TRMT2B: variants seen among roughly 807,000 people sequenced by gnomAD.
The protein encoded by TRMT2B is tRNA (uracil-5-)-methyltransferase homolog B.
Under a neutral mutation model 39.7 loss-of-function variants are expected in TRMT2B, and 34 were observed. That is an observed-to-expected ratio of 0.86 (90% CI 0.65 to 1.14). The LOEUF (loss-of-function observed/expected upper bound fraction) is 1.14. Among genes scored for constraint, TRMT2B ranks in the 50% most tolerant of loss-of-function variants. The probability of loss-of-function intolerance (pLI) is 0.00; values close to 1 mark genes in which losing one functional copy is unlikely to be tolerated. For missense variants in TRMT2B, 318 were observed against 377.2 expected (o/e 0.84, Z 1.30); for synonymous variants, 132 against 137.3 (o/e 0.96, Z 0.27).
At chrX:101,049,356 G>T (rs764747714) in intron 2 of TRMT2B, among the ~76,000 whole-genome samples, 1 of 109,069 alleles carries the variant, frequency 9.2e-6, no homozygotes, top group Non-Finnish European at 1.9e-5. Context: ...TTAGCCAGGT[G>T]TGGTGGCACA....
At chrX:100,979,398 A>G in the TRMT2B span, among the ~76,000 whole-genome samples, 2 of 112,161 alleles carry the variant, frequency 1.8e-5, no homozygotes, top group African/African-American at 6.5e-5. Context: ...TTTGCTGGAT[A>G]CAATATTCTA....
intron 8 of TRMT2B, among the ~76,000 whole-genome samples, chrX:101,022,537 C>A (rs1273383288): frequency 9.2e-6 from 1 of 109,128 alleles, no homozygotes; most frequent in Non-Finnish European, 1.9e-5. Flanking sequence ...AGGAGAATTG[C>A]TTGAACCCGG....
At chrX:101,004,730 A>C (rs1167406727), downstream of TRMT2B, among the ~76,000 whole-genome samples, 1 of 110,539 alleles carries the variant, frequency 9.0e-6, no homozygotes, top group East Asian at 2.8e-4. Flanking sequence ...CAAACTCCCG[A>C]TCTCAGGTGA....
chrX:101,021,424 T>G, intron 9 of TRMT2B, 109 bp from the exon 10 acceptor site: 1 of 630,363 alleles, frequency 1.6e-6, no homozygotes, highest in Non-Finnish European at 2.5e-6. Flanking sequence ...AGGTCAGGAG[T>G]TCGAGACCAG....
At chrX:101,038,997 T>C (rs1272246841) in intron 4 of TRMT2B, among the ~76,000 whole-genome samples, 1 of 111,633 alleles carries the variant, frequency 9.0e-6, no homozygotes, top group Non-Finnish European at 1.9e-5. Context: ...GCGATCCACC[T>C]GCCTCAGCCT....
the TRMT2B span, among the ~76,000 whole-genome samples, chrX:101,002,844 G>A: frequency 9.0e-6 from 1 of 110,573 alleles, no homozygotes; most frequent in Admixed American, 9.8e-5. Context: ...GGAAATCATG[G>A]CTTTTCAATC....
intron 7 of TRMT2B, among the ~76,000 whole-genome samples, chrX:101,033,088 T>A (rs2087598566): frequency 9.5e-6 from 1 of 105,805 alleles, no homozygotes; most frequent in African/African-American, 3.5e-5. Context: ...AAACCCCATC[T>A]CTACTAAAAT....
Position 101,042,173 on chromosome X carries a change from C to T in TRMT2B, c.117G>A (p.Trp39Ter), listed in dbSNP as rs1192125894. The T allele has an allele frequency of 8.2e-7, 1 of 1,212,141 alleles. No individual in the cohort carries two copies. The highest frequency in any genetic ancestry group is 2.2e-5 in the Admixed American group (1 of 46,034). The change falls in exon 3 of 14, where the codon TGG (tryptophan) becomes TGA (stop). Residue 39 changes from tryptophan (W) to a stop codon, truncating the protein, a stop_gained. Coordinates refer to ENST00000372936, the MANE Select transcript of TRMT2B (RefSeq NM_024917.6). LOFTEE classifies it high-confidence loss of function. The part of the protein sequence containing the change: ...LPWYARNPPG[W>*]SQLFLGTVCK... Reference sequence around the variant, plus strand: ...ATACTGTGCCCAGAAAGAGCTGTGACCATCCTGGTGGATTTCTGGCATACC... The same window carrying T: ...ATACTGTGCCCAGAAAGAGCTGTGATCATCCTGGTGGATTTCTGGCATACC...
the TRMT2B span, among the ~76,000 whole-genome samples, chrX:100,995,957 T>A: frequency 9.0e-6 from 1 of 110,985 alleles, no homozygotes; most frequent in African/African-American, 3.3e-5. Context: ...CAACACATTC[T>A]TAATATACAT....
the TRMT2B span, chrX:100,988,478 A>G: frequency 8.4e-7 from 1 of 1,188,333 alleles, no homozygotes; most frequent in Non-Finnish European, 1.1e-6. Context: ...ATGAGAGCTC[A>G]GAATACTACG....
At chrX:101,038,241 G>A (rs1461723037) in intron 4 of TRMT2B, among the ~76,000 whole-genome samples, 190 bp from the exon 5 acceptor site, 5 of 107,499 alleles carry the variant, frequency 4.7e-5, no homozygotes, top group Admixed American at 1.0e-4. Flanking sequence ...GGTTGTGCAT[G>A]CCTGTAATCC....
chrX:100,986,703 TTC>T, the TRMT2B span: 1 of 520,199 alleles, frequency 1.9e-6, no homozygotes, highest in Non-Finnish European at 3.2e-6. Context: ...GTAGAATTTG[TTC>T]TCCTCCTCTT....
the TRMT2B span, among the ~76,000 whole-genome samples, chrX:100,989,437 C>T: frequency 9.1e-6 from 1 of 109,497 alleles, no homozygotes; most frequent in Non-Finnish European, 1.9e-5. Flanking sequence ...TGGTGAAACC[C>T]GGTCTCTACT....
intron 7 of TRMT2B, 68 bp from the exon 8 acceptor site, chrX:101,023,684 G>C: frequency 9.4e-7 from 1 of 1,068,385 alleles, no homozygotes; most frequent in Non-Finnish European, 1.3e-6. Flanking sequence ...CTCATGCTAG[G>C]TGATTGTTTG....
At chrX:100,988,509 G>T in the TRMT2B span, 2 of 1,165,493 alleles carry the variant, frequency 1.7e-6, no homozygotes, top group East Asian at 3.2e-5. Context: ...ACAATTGAAG[G>T]AGTGGCTTAT....
At chrX:100,994,250 A>G in the TRMT2B span, among the ~76,000 whole-genome samples, 6 of 111,980 alleles carry the variant, frequency 5.4e-5, no homozygotes, top group South Asian at 1.1e-3. Context: ...CAAGAAATGG[A>G]TAGTTTCTTG....
At chrX:101,003,769 T>G in the TRMT2B span, among the ~76,000 whole-genome samples, 3 of 112,354 alleles carry the variant, frequency 2.7e-5, no homozygotes, top group Non-Finnish European at 3.8e-5. Context: ...TACCTCCTAA[T>G]GGGATGCAAC....
At chrX:101,016,657 T>G (rs1328259178) in intron 13 of TRMT2B, among the ~76,000 whole-genome samples, 2 of 98,306 alleles carry the variant, frequency 2.0e-5, no homozygotes, top group Non-Finnish European at 4.1e-5. Flanking sequence ...TTTTTTTTTT[T>G]TTTTTTGAGA....
At chrX:101,011,568 C>G (rs1013991590) in intron 13 of TRMT2B, among the ~76,000 whole-genome samples, 1 of 110,862 alleles carries the variant, frequency 9.0e-6, no homozygotes, top group Admixed American at 9.7e-5. Context: ...GGCAGCATAG[C>G]GAGACTCTGT....
Sources: gnomAD v4.1 joint callset for allele counts (sites outside exome capture counted in the v4.1 genomes callset) on GRCh38, gnomAD v4.1.1 for gene constraint, MANE v1.5 for transcripts, NCBI Gene and HGNC (gene_info 2026-07-23, HGNC 2026-07-21) for gene names.